The following DNAJC10 variants were observed in gnomAD, a reference collection of about 807,000 sequenced individuals.
The protein encoded by DNAJC10 is endoplasmic reticulum disulfide reductase DNAJC10.
DNAJC10 carries 101 observed loss-of-function variants against 115.0 expected under a neutral mutation model. That is an observed-to-expected ratio of 0.88 (90% CI 0.75 to 1.04). The LOEUF is 1.04. Among genes scored for constraint, DNAJC10 ranks in the 50% least tolerant of loss-of-function variants. DNAJC10 has a pLI of 0.00. For synonymous variants in DNAJC10, 307 were observed against 301.5 expected (o/e 1.02, Z -0.19); for missense variants, 981 against 928.8 (o/e 1.06, Z -0.73).
At chr2:182,722,902 A>G (rs2105609586) in intron 5 of DNAJC10, among the ~76,000 whole-genome samples, 1 of 151,430 alleles carries the variant, frequency 6.6e-6, no homozygotes, top group African/African-American at 2.4e-5. Context: ...ATGGCACCAC[A>G]AAAAAAAAGA....
rs1329446750 is a variant in DNAJC10, at chr2:182,718,035, C to A, written c.-52C>A. ...AATTTGCATATTACATCAACTGGAACCAGCAGTGAATCTTAATGTTCACTT... is the reference window on the plus strand; with the variant it reads ...AATTTGCATATTACATCAACTGGAAACAGCAGTGAATCTTAATGTTCACTT... On this transcript the variant is annotated 5_prime_UTR_variant, in exon 3 of 24. Coordinates refer to ENST00000264065, the MANE Select transcript of DNAJC10 (RefSeq NM_018981.4). The A allele has an allele frequency of 6.5e-6, 9 of 1,375,814 alleles. No homozygotes were observed. In the African/African-American group the frequency reaches 1.2e-4, roughly 18 times the overall value. The allele number at this position is 1,375,814 out of a possible 1,614,324, so 85.2% of individuals were successfully genotyped here. A position where few individuals can be genotyped will look rare whatever the true frequency, so the allele number is the denominator to read the frequency against.
At chr2:182,731,680 T>C (rs1693451050) in intron 9 of DNAJC10, among the ~76,000 whole-genome samples, 1 of 152,190 alleles carries the variant, frequency 6.6e-6, no homozygotes, top group East Asian at 1.9e-4. Context: ...TAACTCAATG[T>C]ATTTGCATGT....
chr2:182,777,263 A>T lies in DNAJC10; in HGVS notation c.*131A>T. 2 of 532,650 alleles carry T rather than the reference A, an allele frequency of 3.8e-6. No homozygotes were observed. Among genetic ancestry groups the T allele is most frequent in the Non-Finnish European group, 6.2e-6 (2 of 323,858 alleles). 33.0% of individuals were successfully genotyped at this position (532,650 alleles called of 1,614,324 possible). ...TTAGACTTGCAGTTGTACTGCCAGA[A>T]TTATCTACAGCACTGGTGTAAAAGA... On this transcript the variant is annotated 3_prime_UTR_variant, in exon 24 of 24. Coordinates refer to ENST00000264065, the MANE Select transcript of DNAJC10 (RefSeq NM_018981.4).
intron 4 of DNAJC10, among the ~76,000 whole-genome samples, chr2:182,720,886 A>G (rs938314917): frequency 1.3e-5 from 2 of 152,142 alleles, no homozygotes; most frequent in East Asian, 3.9e-4. Context: ...TCCTTCTCAT[A>G]TGGAACCCTT....
At chr2:182,767,711 A>G (rs943098755) in intron 22 of DNAJC10, among the ~76,000 whole-genome samples, 14 of 152,150 alleles carry the variant, frequency 9.2e-5, no homozygotes, top group Non-Finnish European at 1.8e-4. Context: ...CCACCCCAGC[A>G]TCATCCGTCC....
chr2:182,762,688 A>T lies in DNAJC10; in HGVS notation c.2152A>T (p.Lys718Ter). 5.0e-6 allele frequency: 8 copies of T among 1,612,194 alleles called. No individual in the cohort carries two copies. The highest frequency in any genetic ancestry group is 6.8e-6 in the Non-Finnish European group (8 of 1,178,714). The change falls in exon 22 of 24, where the codon AAA becomes TAA. Residue 718 changes from lysine to a stop codon, truncating the protein, a stop_gained. Transcript: ENST00000264065. LOFTEE classifies it high-confidence loss of function. ...PEFELLARMI[K>*]GKVKAGKVDC... Reference sequence around the variant, plus strand: ...CTGTATTTTTCTTTTTCAGATGATTAAAGGAAAAGTGAAAGCTGGAAAAGT... The same window carrying T: ...CTGTATTTTTCTTTTTCAGATGATTTAAGGAAAAGTGAAAGCTGGAAAAGT...
chr2:182,729,486 A>G lies in DNAJC10; in HGVS notation c.634-362A>G, dbSNP rs75470568. Among the ~76,000 whole-genome samples the G allele has an allele frequency of 2.4e-3, 373 of 152,314 alleles. 1 individual carries two copies. Among genetic ancestry groups the G allele is most frequent in the Non-Finnish European group, 4.5e-3 (309 of 68,020 alleles). ...TTGACTTTGCTATATTTTAAAATTA[A>G]ATGTTTGCCAATTTCAGTTTCTGTC... is the stretch of plus-strand genomic sequence containing the variant. On this transcript the variant is annotated intron_variant, in intron 7 of 23. Coordinates refer to ENST00000264065, the MANE Select transcript of DNAJC10 (RefSeq NM_018981.4).
Position 182,718,143 on chromosome 2 carries a change from C to T in DNAJC10, c.57C>T (p.Leu19=). 1 of 1,613,088 alleles carries T rather than the reference C, an allele frequency of 6.2e-7. No individual in the cohort carries two copies. The highest frequency in any genetic ancestry group is 8.5e-7 in the Non-Finnish European group (1 of 1,179,646). ...TCAGAGACTTGAAAAGGATCATTCT[C>T]TGTTTTCTGATAGTGTATATGGCCA... is the stretch of plus-strand genomic sequence containing the variant. The part of the protein sequence containing the change: ...DYIRDLKRII[L]CFLIVYMAIL... The change falls in exon 3 of 24, where the codon CTC becomes CTT. Residue 19 remains leucine, a synonymous_variant. Coordinates refer to ENST00000264065, the MANE Select transcript of DNAJC10 (RefSeq NM_018981.4).
rs575596625 is a variant in DNAJC10, at chr2:182,777,097, A to G, written c.2371-24A>G. 2.2e-5 allele frequency: 30 copies of G among 1,371,064 alleles called. No individual in the cohort carries two copies. The South Asian group carries it at 2.9e-4, about 13-fold the overall frequency. 84.9% of individuals were successfully genotyped at this position (1,371,064 alleles called of 1,614,324 possible). A position where few individuals can be genotyped will look rare whatever the true frequency, so the allele number is the denominator to read the frequency against. ...CCAACTCATACTTTCTCCTTTCTCT[A>G]TCGCCTTTACATTATTATTATAGGA... On this transcript the variant is annotated intron_variant, in intron 23 of 23. Transcript: ENST00000264065.
chr2:182,730,600 T>G (rs1357373403), intron 8 of DNAJC10: 111 of 449,132 alleles, frequency 2.5e-4, no homozygotes, highest in South Asian at 1.7e-3. Context: ...TAGAAAATAC[T>G]TCTTGAAAGA....
intron 22 of DNAJC10, among the ~76,000 whole-genome samples, chr2:182,767,483 A>G (rs1214777019): frequency 6.6e-6 from 1 of 152,080 alleles, no homozygotes. Context: ...TATTTTATGC[A>G]TGGGTCCCAT....
chr2:182,730,135 CTT>C (rs929939378), intron 8 of DNAJC10, among the ~76,000 whole-genome samples, 194 bp downstream of exon 8: 1 of 152,076 alleles, frequency 6.6e-6, no homozygotes, highest in African/African-American at 2.4e-5. Flanking sequence ...TTTACAGAAA[CTT>C]GAACTATCGA....
chr2:182,739,550 T>C, intron 11 of DNAJC10: 1 of 1,221,666 alleles, frequency 8.2e-7, no homozygotes. Flanking sequence ...AACAGCTGCT[T>C]CATTGAGAGA....
At chr2:182,756,170 A>T (rs1023400086) in intron 17 of DNAJC10, 144 bp from the exon 18 acceptor site, 14 of 630,252 alleles carry the variant, frequency 2.2e-5, no homozygotes, top group Non-Finnish European at 3.0e-5. Flanking sequence ...CCCAAGATAT[A>T]TGCAAATATT....
chr2:182,742,270 A>T (rs1693755493), intron 13 of DNAJC10, among the ~76,000 whole-genome samples: 1 of 152,134 alleles, frequency 6.6e-6, no homozygotes, highest in Admixed American at 6.5e-5. Flanking sequence ...CTGCAACCTC[A>T]GCCTCATGGG....
chr2:182,762,090 A>T (rs1418639728), intron 21 of DNAJC10, among the ~76,000 whole-genome samples: 4 of 152,218 alleles, frequency 2.6e-5, no homozygotes, highest in South Asian at 4.1e-4. Context: ...CAGTAAGCAC[A>T]GAAGACGACT....
At chr2:182,722,673 T>G (rs1382228225) in intron 5 of DNAJC10, among the ~76,000 whole-genome samples, 3 of 152,272 alleles carry the variant, frequency 2.0e-5, no homozygotes, top group Middle Eastern at 3.4e-3. Context: ...GCGCGGTGGC[T>G]CACACCTGTA....
chr2:182,732,942 C>G (rs1040560629), intron 10 of DNAJC10, among the ~76,000 whole-genome samples: 2 of 151,730 alleles, frequency 1.3e-5, no homozygotes, highest in South Asian at 2.1e-4. Context: ...ATTGAAATAC[C>G]CTTTGTGGCT....
intron 22 of DNAJC10, among the ~76,000 whole-genome samples, chr2:182,771,318 G>C (rs998055779): frequency 6.6e-6 from 1 of 152,126 alleles, no homozygotes; most frequent in African/African-American, 2.4e-5. Context: ...CCAGGCTTTG[G>C]TATCAGGATG....
Sources: allele counts gnomAD v4.1 joint callset (sites outside exome capture counted in the v4.1 genomes callset), GRCh38; gene constraint gnomAD v4.1.1; transcripts MANE v1.5; gene names NCBI Gene and HGNC (gene_info 2026-07-23, HGNC 2026-07-21).